The following LMBRD2 variants were observed in gnomAD, a reference collection of about 807,000 sequenced individuals.
LMBRD2 encodes LMBR1 domain containing 2, also known as G protein-coupled receptor-associated protein LMBRD2.
A neutral mutation model predicts 94.4 loss-of-function variants in LMBRD2; 55 were observed. The ratio of observed to expected loss-of-function variants is 0.58; its 90% CI spans 0.47 to 0.73. The LOEUF (loss-of-function observed/expected upper bound fraction) is 0.73, where lower values mean the gene tolerates loss of function less well. Ranked by LOEUF, LMBRD2 falls within the 30% of genes least tolerant of loss-of-function variation. LMBRD2 has a pLI of 0.00. For missense variants in LMBRD2, 640 were observed against 831.9 expected (o/e 0.77, Z 2.84); for synonymous variants, 246 against 272.4 (o/e 0.90, Z 0.95).
At position 36,099,590 on chromosome 5, in the gene LMBRD2, A is replaced by G. The variant is rs988667063; in HGVS notation, c.*4456T>C. 1 of 152,134 alleles carries G rather than the reference A, an allele frequency of 6.6e-6. No homozygotes were observed. The highest frequency in any genetic ancestry group is 6.6e-5 in the Admixed American group (1 of 15,244). The allele number at this position is 152,134 out of a possible 1,614,324, so 9.4% of individuals were successfully genotyped here. On this transcript the variant is annotated 3_prime_UTR_variant, in exon 18 of 18. Transcript: ENST00000296603. ...ATATCAACTCTAAATGGTGTTGTAC[A>G]GTCAGTTTAAATAAATTATGATTTT... is the stretch of plus-strand genomic sequence containing the variant.
rs1011968693 is a variant in LMBRD2, at chr5:36,098,447, T to C, written c.*5599A>G. 1 of 152,026 alleles carries C rather than the reference T, an allele frequency of 6.6e-6. No individual in the cohort carries two copies. Among genetic ancestry groups the C allele is most frequent in the African/African-American group, 2.4e-5 (1 of 41,432 alleles). 9.4% of individuals were successfully genotyped at this position (152,026 alleles called of 1,614,324 possible). On this transcript the variant is annotated 3_prime_UTR_variant, in exon 18 of 18. Transcript: ENST00000296603. ...AGTACACATATTTATTTTAAAACAT[T>C]TGTCATATTTGCTAATAAATTGATA... is the stretch of plus-strand genomic sequence containing the variant.
chr5:36,125,591 A>T (rs1213438004), intron 6 of LMBRD2, among the ~76,000 whole-genome samples: 1 of 152,186 alleles, frequency 6.6e-6, no homozygotes, highest in Non-Finnish European at 1.5e-5. Flanking sequence ...TCATGTAAAG[A>T]GGTAAGACTG....
At chr5:36,145,638 C>T (rs1192727782) in intron 1 of LMBRD2, among the ~76,000 whole-genome samples, 1 of 151,922 alleles carries the variant, frequency 6.6e-6, no homozygotes, top group Non-Finnish European at 1.5e-5. Context: ...TTAAAAAAAC[C>T]CAATTGATGT....
chr5:36,104,079 C>T lies in LMBRD2; in HGVS notation c.2055G>A (p.Ser685=), dbSNP rs958066846. 8 of 1,610,202 alleles carry T rather than the reference C, an allele frequency of 5.0e-6. No homozygotes were observed. The highest frequency in any genetic ancestry group is 2.7e-5 in the African/African-American group (2 of 74,666). ...CATTAAATATGTCACTGCGAGACATCGAGAGATATCGTCCACCAGGCTGAT... is the reference window on the plus strand; with the variant it reads ...CATTAAATATGTCACTGCGAGACATTGAGAGATATCGTCCACCAGGCTGAT... ...GRYQPGGRYL[S]MSRSDIFNDV Residue 685 remains serine (S), a synonymous_variant, in exon 18 of 18, where the codon TCG becomes TCA. Transcript: ENST00000296603.
At chr5:36,126,267 A>T (rs893981327) in intron 6 of LMBRD2, among the ~76,000 whole-genome samples, 1 of 152,190 alleles carries the variant, frequency 6.6e-6, no homozygotes, top group Admixed American at 6.5e-5. Context: ...TTGTTTATAT[A>T]TTATATGTGA....
At chr5:36,147,335 G>C (rs568134324) in intron 1 of LMBRD2, among the ~76,000 whole-genome samples, 2 of 152,184 alleles carry the variant, frequency 1.3e-5, no homozygotes, top group African/African-American at 4.8e-5. Flanking sequence ...GCAAGGTTTA[G>C]GGAAGAAGGA....
At chr5:36,119,347 C>T (rs1743833783) in intron 9 of LMBRD2, among the ~76,000 whole-genome samples, 1 of 152,148 alleles carries the variant, frequency 6.6e-6, no homozygotes, top group Non-Finnish European at 1.5e-5. Context: ...ATACCTTCAT[C>T]TAGTACAGTA....
At chr5:36,149,156 C>T (rs955842878) in intron 1 of LMBRD2, among the ~76,000 whole-genome samples, 4 of 152,056 alleles carry the variant, frequency 2.6e-5, no homozygotes, top group Admixed American at 6.5e-5. Flanking sequence ...ATTTACTGAA[C>T]GCCTACTATA....
intron 9 of LMBRD2, among the ~76,000 whole-genome samples, chr5:36,120,712 T>G (rs1368822701): frequency 6.6e-6 from 1 of 152,204 alleles, no homozygotes; most frequent in Non-Finnish European, 1.5e-5. Flanking sequence ...CTCCTCTTCT[T>G]ATTTCTTTTA....
chr5:36,132,480 G>C (rs774806796), intron 6 of LMBRD2, among the ~76,000 whole-genome samples: 2 of 151,866 alleles, frequency 1.3e-5, no homozygotes, highest in Non-Finnish European at 2.9e-5. Flanking sequence ...AAGTTAAAAA[G>C]CTTCTGCACA....
chr5:36,113,788 C>G (rs1262335535), intron 13 of LMBRD2, among the ~76,000 whole-genome samples: 1 of 152,104 alleles, frequency 6.6e-6, no homozygotes, highest in Non-Finnish European at 1.5e-5. Flanking sequence ...ATGAGGAGGC[C>G]TGACATGTAA....
At chr5:36,116,659 G>A (rs533917685) in intron 10 of LMBRD2, 66 bp from the exon 11 acceptor site, 8 of 1,444,568 alleles carry the variant, frequency 5.5e-6, no homozygotes, top group Non-Finnish European at 7.7e-6. Context: ...AACAATTACA[G>A]GCATTATCCT....
intron 9 of LMBRD2, among the ~76,000 whole-genome samples, chr5:36,122,039 GT>G (rs1340844654): frequency 6.6e-6 from 1 of 152,098 alleles, no homozygotes; most frequent in African/African-American, 2.4e-5. Context: ...TATGCTTGAT[GT>G]ATACATGTTT....
intron 4 of LMBRD2, 36 bp downstream of exon 4, chr5:36,141,071 A>G: frequency 8.0e-7 from 1 of 1,247,718 alleles, no homozygotes; most frequent in South Asian, 1.3e-5. Flanking sequence ...TCCTTTAGCC[A>G]AAATTTTAAA....
At chr5:36,126,199 T>C (rs1744003310) in intron 6 of LMBRD2, among the ~76,000 whole-genome samples, 1 of 152,212 alleles carries the variant, frequency 6.6e-6, no homozygotes. Flanking sequence ...TAAGCTGCCT[T>C]AAAGTTTCTT....
chr5:36,141,461 G>C (rs1744407773), intron 3 of LMBRD2, among the ~76,000 whole-genome samples: 1 of 151,708 alleles, frequency 6.6e-6, no homozygotes, highest in African/African-American at 2.4e-5. Context: ...TTAGTCATTG[G>C]GTAAAAAGAA....
At chr5:36,117,187 T>C (rs1743768036) in intron 10 of LMBRD2, among the ~76,000 whole-genome samples, 1 of 152,136 alleles carries the variant, frequency 6.6e-6, no homozygotes, top group South Asian at 2.1e-4. Flanking sequence ...GTTATGTAGC[T>C]TTACTGGCAT....
At chr5:36,128,539 G>A (rs1157820858) in intron 6 of LMBRD2, among the ~76,000 whole-genome samples, 1 of 152,034 alleles carries the variant, frequency 6.6e-6, no homozygotes, top group East Asian at 1.9e-4. Context: ...TGGGCAACAT[G>A]GTGAAACCCT....
intron 6 of LMBRD2, among the ~76,000 whole-genome samples, chr5:36,126,284 A>T (rs1163260615): frequency 6.6e-6 from 1 of 152,214 alleles, no homozygotes; most frequent in Non-Finnish European, 1.5e-5. Flanking sequence ...GTGAAATACC[A>T]TGTTTTTTTC....
Sources: allele counts gnomAD v4.1 joint callset (sites outside exome capture counted in the v4.1 genomes callset), GRCh38; gene constraint gnomAD v4.1.1; transcripts MANE v1.5; gene names NCBI Gene and HGNC (gene_info 2026-07-23, HGNC 2026-07-21).